The following EZH2 variants were observed in gnomAD, a reference collection of about 807,000 sequenced individuals.
EZH2 encodes the protein histone-lysine N-methyltransferase EZH2.
Under a neutral mutation model 98.4 loss-of-function variants are expected in EZH2, and 18 were observed. That is an observed-to-expected ratio of 0.18 (90% CI 0.13 to 0.27). EZH2 has a LOEUF of 0.27. Ranked by LOEUF, EZH2 falls within the 10% of genes least tolerant of loss-of-function variation. The pLI, the probability that EZH2 is intolerant of heterozygous loss-of-function variation, is 1.00. For synonymous variants in EZH2, 338 were observed against 312.3 expected, an observed-to-expected ratio of 1.08 and a Z score of -0.87; for missense variants, 470 against 935.1, an observed-to-expected ratio of 0.50 and a Z score of 6.49.
chr7:148,836,980 A>C (rs1326457692), intron 3 of EZH2: 1 of 500,476 alleles, frequency 2.0e-6, no homozygotes, highest in Non-Finnish European at 3.9e-6. Flanking sequence ...AAAATCGTAG[A>C]GGGAAGAGCA....
intron 17 of EZH2, 122 bp downstream of exon 17, chr7:148,810,211 C>T: frequency 1.5e-6 from 1 of 655,802 alleles, no homozygotes; most frequent in Non-Finnish European, 2.8e-6. Flanking sequence ...CCCCCCATGC[C>T]TCTAAGGAGA....
chr7:148,827,326 A>G (rs1362723625), intron 6 of EZH2, 60 bp from the exon 7 acceptor site: 2 of 1,281,568 alleles, frequency 1.6e-6, no homozygotes, highest in Non-Finnish European at 2.2e-6. Flanking sequence ...TTGATCTTTC[A>G]TTTTCTCTAC....
chr7:148,827,647 C>T (rs1483056054), intron 6 of EZH2, among the ~76,000 whole-genome samples: 1 of 152,128 alleles, frequency 6.6e-6, no homozygotes, highest in Non-Finnish European at 1.5e-5. Context: ...GTTATTTTCT[C>T]TTTTTTGAAA....
At chr7:148,812,424 A>G (rs1803351451) in intron 15 of EZH2, among the ~76,000 whole-genome samples, 1 of 152,166 alleles carries the variant, frequency 6.6e-6, no homozygotes, top group Non-Finnish European at 1.5e-5. Context: ...TTATGCTTTC[A>G]TCCAAAATTT....
At chr7:148,871,728 C>A (rs1819436054) in intron 1 of EZH2, among the ~76,000 whole-genome samples, 1 of 152,046 alleles carries the variant, frequency 6.6e-6, no homozygotes, top group African/African-American at 2.4e-5. Flanking sequence ...GCGCATGCCA[C>A]CACACCTAGC....
rs1584954051 is a variant in EZH2 at position 148,820,380 on chromosome 7, T to C, written c.908-693A>G. Among the ~76,000 whole-genome samples, 3 of 152,298 alleles carry C rather than the reference T, an allele frequency of 2.0e-5. No homozygotes were observed. The South Asian group carries it at 6.2e-4, about 32-fold the overall frequency. ...TGACAGCAGTGCTAACTTCACAGAA[T>C]TTCTTGCAAAAACTTACTTCCTCAT... On this transcript the variant is annotated intron_variant, in intron 8 of 19. Coordinates refer to ENST00000320356, the MANE Select transcript of EZH2 (RefSeq NM_004456.5).
chr7:148,846,675 T>A, intron 2 of EZH2, 77 bp from the exon 3 acceptor site: 4 of 1,334,604 alleles, frequency 3.0e-6, no homozygotes, highest in Non-Finnish European at 4.1e-6. Flanking sequence ...TAAAGCAGGT[T>A]AAAAATCTAG....
intron 1 of EZH2, among the ~76,000 whole-genome samples, chr7:148,857,835 C>T (rs1467886342): frequency 3.9e-5 from 6 of 152,046 alleles, no homozygotes; most frequent in African/African-American, 1.4e-4. Flanking sequence ...GGTTACATAA[C>T]AACCCAATGT....
At chr7:148,868,241 T>G (rs1262887601) in intron 1 of EZH2, among the ~76,000 whole-genome samples, 1 of 152,164 alleles carries the variant, frequency 6.6e-6, no homozygotes, top group Non-Finnish European at 1.5e-5. Context: ...CACATTGCTA[T>G]AAAGAGCTGA....
Position 148,816,664 on chromosome 7 carries a change from G to C in EZH2, c.1505+20C>G, listed in dbSNP as rs79268614. 3,812 of 1,589,548 alleles carry C rather than the reference G, an allele frequency of 2.4e-3. 87 individuals carry two copies. The African/African-American group carries it at 0.045, about 19-fold the overall frequency. Reference sequence around the variant, plus strand: ...GTCTATCTATGTTGACTTCTCTAAGGAGCTTCATGACAGACTCACCGGTGT... The same window carrying C: ...GTCTATCTATGTTGACTTCTCTAAGCAGCTTCATGACAGACTCACCGGTGT... On this transcript the variant is annotated intron_variant, in intron 12 of 19. Coordinates refer to ENST00000320356, the MANE Select transcript of EZH2 (RefSeq NM_004456.5).
intron 1 of EZH2, among the ~76,000 whole-genome samples, chr7:148,866,722 A>C (rs1172137147): frequency 6.8e-6 from 1 of 147,094 alleles, no homozygotes; most frequent in Non-Finnish European, 1.5e-5. Flanking sequence ...ATATATATTT[A>C]TTCCTTTTGT....
intron 8 of EZH2, among the ~76,000 whole-genome samples, chr7:148,823,242 T>C (rs559331490): frequency 2.0e-4 from 30 of 152,330 alleles, no homozygotes; most frequent in South Asian, 1.0e-3. Flanking sequence ...AATACCTAAA[T>C]AGAGTTTATC....
chr7:148,814,682 G>C (rs1301388649), intron 14 of EZH2, among the ~76,000 whole-genome samples: 1 of 152,012 alleles, frequency 6.6e-6, no homozygotes, highest in African/African-American at 2.4e-5. Context: ...TAAAATTCAG[G>C]TTCCTTTAAT....
intron 1 of EZH2, among the ~76,000 whole-genome samples, chr7:148,872,947 A>T (rs1819628675): frequency 6.6e-6 from 1 of 152,196 alleles, no homozygotes; most frequent in African/African-American, 2.4e-5. Flanking sequence ...TCAAGCCTAT[A>T]ATCCCAGCTT....
rs1217846661 is a variant in EZH2, at chr7:148,829,864, A to G, written c.364-16T>C. 1.3e-6 allele frequency: 2 copies of G among 1,530,256 alleles called. No homozygotes were observed. The highest frequency in any genetic ancestry group is 1.8e-6 in the Non-Finnish European group (2 of 1,129,390). The allele number at this position is 1,530,256 out of a possible 1,614,324, so 94.8% of individuals were successfully genotyped here. Reference sequence around the variant, plus strand: ...CATCTTCCACCTAAAAGAAAAAAATATATTTAAAAAGCAGGTTTACTCTAA... The same window carrying G: ...CATCTTCCACCTAAAAGAAAAAAATGTATTTAAAAAGCAGGTTTACTCTAA... On this transcript the variant is annotated splice_polypyrimidine_tract_variant and intron_variant, in intron 4 of 19. Coordinates refer to ENST00000320356, the MANE Select transcript of EZH2 (RefSeq NM_004456.5).
rs1816667908 is a variant in EZH2 at position 148,855,503 on chromosome 7, TA to T, written c.-7-8199del. Among the ~76,000 whole-genome samples, 3 of 152,310 alleles carry T rather than the reference TA, an allele frequency of 2.0e-5. No individual in the cohort carries two copies. The South Asian group carries it at 6.2e-4, about 32-fold the overall frequency. On this transcript the variant is annotated intron_variant, in intron 1 of 19. Transcript: ENST00000320356. ...CCTCACTCTCCTCATGAAAAAAGGCTAATTCAAGAGCCTCCACCTCAGAGTC... is the reference window on the plus strand; with the variant it reads ...CCTCACTCTCCTCATGAAAAAAGGCTATTCAAGAGCCTCCACCTCAGAGTC...
At chr7:148,839,211 A>C (rs986920569) in intron 3 of EZH2, among the ~76,000 whole-genome samples, 1 of 152,172 alleles carries the variant, frequency 6.6e-6, no homozygotes, top group Non-Finnish European at 1.5e-5. Flanking sequence ...AAGAAGGCTG[A>C]TTCTGCTGAT....
chr7:148,828,223 A>T (rs1315008135), intron 6 of EZH2, among the ~76,000 whole-genome samples: 1 of 152,258 alleles, frequency 6.6e-6, no homozygotes, highest in African/African-American at 2.4e-5. Context: ...GTACACGGTG[A>T]ATATCAATGT....
chr7:148,879,326 C>T (rs562552444), intron 1 of EZH2, among the ~76,000 whole-genome samples: 21 of 152,124 alleles, frequency 1.4e-4, no homozygotes, highest in Middle Eastern at 3.4e-3. Flanking sequence ...CGAGGCAGGT[C>T]AATCACTTGA....
Sources: gnomAD v4.1 joint callset for allele counts (sites outside exome capture counted in the v4.1 genomes callset) on GRCh38, gnomAD v4.1.1 for gene constraint, MANE v1.5 for transcripts, NCBI Gene and HGNC (gene_info 2026-07-23, HGNC 2026-07-21) for gene names.